Variants in GALNT2 observed in about 807,000 individuals in gnomAD.
GALNT2 encodes the protein polypeptide N-acetylgalactosaminyltransferase 2, also known as UDP-GalNAc:polypeptide N-acetylgalactosaminyltransferase 2.
In GALNT2, 31 loss-of-function variants were observed where a neutral mutation model predicts 81.4. The observed-to-expected ratio is 0.38, with a 90% confidence interval of 0.29 to 0.51. The LOEUF (loss-of-function observed/expected upper bound fraction) is 0.51, where lower values mean the gene tolerates loss of function less well. Among genes scored for constraint, GALNT2 ranks in the 20% least tolerant of loss-of-function variants. The pLI is 0.87. For missense variants in GALNT2, 629 were observed against 765.7 expected (o/e 0.82, Z 2.11); for synonymous variants, 303 against 287.4 (o/e 1.05, Z -0.55).
chr1:230,223,905 G>A lies in GALNT2; in HGVS notation c.375-12109G>A, dbSNP rs189592321. Among the ~76,000 whole-genome samples, 1,091 of 152,330 alleles carry A rather than the reference G, an allele frequency of 7.2e-3. 9 individuals carry two copies. The highest frequency in any genetic ancestry group is 0.01 in the Middle Eastern group (3 of 294). ...CACTTGGGACAATCAGAACTGCTCAGGGGTCCCACAGACTCCATTATCTGG... is the reference window on the plus strand; with the variant it reads ...CACTTGGGACAATCAGAACTGCTCAAGGGTCCCACAGACTCCATTATCTGG... On this transcript the variant is annotated intron_variant, in intron 3 of 15. Coordinates refer to ENST00000366672, the MANE Select transcript of GALNT2 (RefSeq NM_004481.5).
At chr1:230,204,885 T>G (rs1390897254) in intron 3 of GALNT2, among the ~76,000 whole-genome samples, 1 of 152,032 alleles carries the variant, frequency 6.6e-6, no homozygotes, top group African/African-American at 2.4e-5. Flanking sequence ...CTGCTAGGGG[T>G]GGCAGGTGCA....
At chr1:230,074,454 G>T (rs1328737147) in intron 1 of GALNT2, among the ~76,000 whole-genome samples, 1 of 152,166 alleles carries the variant, frequency 6.6e-6, no homozygotes, top group African/African-American at 2.4e-5. Context: ...CTCCCCACTA[G>T]ATGCCAGTAG....
intron 1 of GALNT2, among the ~76,000 whole-genome samples, chr1:230,145,878 C>T (rs1436990603): frequency 6.6e-6 from 1 of 152,214 alleles, no homozygotes; most frequent in Non-Finnish European, 1.5e-5. Context: ...CCTGCCTGCC[C>T]AGCCCCTCTG....
In GALNT2 at chr1:230,243,238, G is replaced by A. The variant is rs1174125272; in HGVS notation, c.608-68G>A. 2.0e-6 allele frequency: 3 copies of A among 1,502,628 alleles called. No individual in the cohort carries two copies. The highest frequency in any genetic ancestry group is 1.8e-6 in the Non-Finnish European group (2 of 1,129,716). 93.1% of individuals were successfully genotyped at this position (1,502,628 alleles called of 1,614,324 possible). A position where few individuals can be genotyped will look rare whatever the true frequency, so the allele number is the denominator to read the frequency against. On this transcript the variant is annotated intron_variant, in intron 6 of 15. Transcript: ENST00000366672. The surrounding 1 kb of genome is among the most constrained non-coding windows in gnomAD (Gnocchi z 4.2). ...AGCTGCGGGCAGGGAGGCGTCGCCG[G>A]TTGGCATGGGGTTGTGCTGGCCCTG...
chr1:230,137,535 T>A (rs1389855740), intron 1 of GALNT2, among the ~76,000 whole-genome samples: 4 of 152,244 alleles, frequency 2.6e-5, no homozygotes, highest in Admixed American at 6.5e-5. Flanking sequence ...AAGGGAGGAA[T>A]TATTTTCTCT....
chr1:230,081,242 C>T (rs1659718395), intron 1 of GALNT2, among the ~76,000 whole-genome samples: 1 of 152,080 alleles, frequency 6.6e-6, no homozygotes, highest in Non-Finnish European at 1.5e-5. Context: ...GGTCAGGGTC[C>T]CCCCCAGCTG....
At chr1:230,094,965 G>A (rs1220505605) in intron 1 of GALNT2, among the ~76,000 whole-genome samples, 4 of 152,188 alleles carry the variant, frequency 2.6e-5, no homozygotes, top group African/African-American at 9.6e-5. Context: ...GATGATGCAA[G>A]TGGACCTCTA....
At chr1:230,111,171 C>T (rs1185662418) in intron 1 of GALNT2, among the ~76,000 whole-genome samples, 1 of 152,232 alleles carries the variant, frequency 6.6e-6, no homozygotes, top group African/African-American at 2.4e-5. Flanking sequence ...ACACAGCACA[C>T]ATGCACACAT....
intron 1 of GALNT2, among the ~76,000 whole-genome samples, chr1:230,110,528 G>T (rs1357077905): frequency 1.3e-5 from 2 of 152,146 alleles, no homozygotes; most frequent in African/African-American, 4.8e-5. Context: ...ACTAAATGGG[G>T]ATAATCAAAG....
At chr1:230,207,912 CTTTTT>C (rs1460266130) in intron 3 of GALNT2, among the ~76,000 whole-genome samples, 3 of 151,968 alleles carry the variant, frequency 2.0e-5, no homozygotes, top group African/African-American at 7.2e-5. Context: ...CATTTCTTTT[CTTTTT>C]ATTTTTAAAT....
chr1:230,268,101 A>G (rs907777560), intron 14 of GALNT2, among the ~76,000 whole-genome samples: 1 of 152,210 alleles, frequency 6.6e-6, no homozygotes, highest in African/African-American at 2.4e-5. Context: ...ATCTAGAACC[A>G]TAGTGAAAAT....
At chr1:230,088,782 C>T (rs1203459589) in intron 1 of GALNT2, among the ~76,000 whole-genome samples, 2 of 152,084 alleles carry the variant, frequency 1.3e-5, no homozygotes, top group Non-Finnish European at 2.9e-5. Flanking sequence ...CATGATCCAC[C>T]TGCCTCAGCC....
chr1:230,134,131 G>T (rs1205214072), intron 1 of GALNT2, among the ~76,000 whole-genome samples: 3 of 126,076 alleles, frequency 2.4e-5, no homozygotes, highest in African/African-American at 5.9e-5. Flanking sequence ...TTTTTTTTTG[G>T]CAGAGTCTCA....
In GALNT2 at chr1:230,252,843, C is replaced by CTT. The variant is rs58544942; in HGVS notation, c.1009+2304_1009+2305dup. On this transcript the variant is annotated intron_variant, in intron 10 of 15. Transcript: ENST00000366672. ...TTATTTTCTGAAATAGAGACAACTT[C>CTT]TTTTTTTTTTTTTTTTTTTTTTGAG... Among the ~76,000 whole-genome samples, 195 of 78,910 alleles carry CTT rather than the reference C, an allele frequency of 2.5e-3. 8 individuals carry two copies. Among genetic ancestry groups the CTT allele is most frequent in the African/African-American group, 5.1e-3 (100 of 19,590 alleles). 51.8% of individuals were successfully genotyped at this position (78,910 alleles called of 152,430 possible). A position where few individuals can be genotyped will look rare whatever the true frequency, so the allele number is the denominator to read the frequency against.
At chr1:230,082,784 G>T (rs1245425175) in intron 1 of GALNT2, among the ~76,000 whole-genome samples, 2 of 152,130 alleles carry the variant, frequency 1.3e-5, no homozygotes, top group African/African-American at 2.4e-5. Context: ...TACATCAGGG[G>T]AACTTGCAGA....
intron 1 of GALNT2, among the ~76,000 whole-genome samples, chr1:230,132,964 T>C (rs1184407822): frequency 6.6e-6 from 1 of 152,222 alleles, no homozygotes; most frequent in Non-Finnish European, 1.5e-5. Flanking sequence ...AAGGAACACA[T>C]AATTCATGCC....
At chr1:230,276,273 G>GAC (rs1666306395) in intron 15 of GALNT2, among the ~76,000 whole-genome samples, 1 of 152,028 alleles carries the variant, frequency 6.6e-6, no homozygotes, top group African/African-American at 2.4e-5. Flanking sequence ...GCAGCTTGTG[G>GAC]ACACACCCTT....
Position 230,280,312 on chromosome 1 carries a change from G to T in GALNT2, c.*854G>T. On this transcript the variant is annotated 3_prime_UTR_variant, in exon 16 of 16. Coordinates refer to ENST00000366672, the MANE Select transcript of GALNT2 (RefSeq NM_004481.5). ...GCCTCGGCCCCGGCATCCCTGTTGG[G>T]CGTCAGCCTGAGAGTCCCTACTGTG... 3.3e-6 allele frequency: 1 copy of T among 299,022 alleles called. No homozygotes were observed. 18.5% of individuals were successfully genotyped at this position (299,022 alleles called of 1,614,324 possible).
chr1:230,100,698 A>C (rs1660378188), intron 1 of GALNT2, among the ~76,000 whole-genome samples: 1 of 152,142 alleles, frequency 6.6e-6, no homozygotes, highest in Admixed American at 6.5e-5. Flanking sequence ...AGGCACAGGG[A>C]ACCGAATAAC....
Sources: gnomAD v4.1 joint callset for allele counts (sites outside exome capture counted in the v4.1 genomes callset) on GRCh38, gnomAD v4.1.1 for gene constraint, Gnocchi (gnomAD v3.1) non-coding constraint, MANE v1.5 for transcripts, NCBI Gene and HGNC (gene_info 2026-07-23, HGNC 2026-07-21) for gene names.